The following CNOT11 variants were observed in gnomAD, a reference collection of about 807,000 sequenced individuals.
CNOT11 encodes the protein UPF0760 protein C2orf29.
CNOT11 carries 18 observed loss-of-function variants against 44.6 expected under a neutral mutation model. The ratio of observed to expected loss-of-function variants is 0.40; its 90% CI spans 0.28 to 0.60. The LOEUF is 0.60. CNOT11 is among the 20% of genes least tolerant of loss of function. CNOT11 has a pLI of 0.38. For missense variants in CNOT11, 513 were observed against 677.0 expected (o/e 0.76, Z 2.69); for synonymous variants, 291 against 270.9 (o/e 1.07, Z -0.73).
rs1381894159 is a variant in CNOT11, at chr2:101,269,406, C to T, written c.1526C>T (p.Ser509Leu). 4 of 1,613,696 alleles carry T rather than the reference C, an allele frequency of 2.5e-6. No individual in the cohort carries two copies. The highest frequency in any genetic ancestry group is 3.4e-6 in the Non-Finnish European group (4 of 1,179,684). Reference sequence around the variant, plus strand: ...GAAACACCTTCTGAGACCAAAATGTCAAAATAATACCTCATCAGAACCATC... The same window carrying T: ...GAAACACCTTCTGAGACCAAAATGTTAAAATAATACCTCATCAGAACCATC... ...TGETPSETKM[S>L]K Residue 509 changes from serine to leucine, a missense_variant, in exon 7 of 7, where the codon TCA (serine) becomes TTA (leucine). Coordinates refer to ENST00000289382, the MANE Select transcript of CNOT11 (RefSeq NM_017546.5). The surrounding 1 kb of genome is among the most constrained non-coding windows in gnomAD (Gnocchi z 4.8).
In CNOT11 at chr2:101,257,973, T is replaced by C; in HGVS notation, c.679+18T>C. 6.2e-7 allele frequency: 1 copy of C among 1,602,414 alleles called. No individual in the cohort carries two copies. The highest frequency in any genetic ancestry group is 1.1e-5 in the South Asian group (1 of 89,306). On this transcript the variant is annotated intron_variant, in intron 2 of 6. Coordinates refer to ENST00000289382, the MANE Select transcript of CNOT11 (RefSeq NM_017546.5). The stretch of plus-strand genomic sequence containing the variant: ...CTTGGCCGGTAAGGAGGAATCAGTG[T>C]TTTGGGCATTTCTGTGTGGTAATAT...
chr2:101,253,161 A>C lies in CNOT11; in HGVS notation c.197A>C (p.Lys66Thr). Residue 66 changes from lysine (K) to threonine (T), a missense_variant, in exon 1 of 7, where the codon AAG (lysine) becomes ACG (threonine). By Grantham distance (78) the Lys-to-Thr change is moderately conservative (BLOSUM62 -1). This residue lies in a region of CNOT11 where 259 missense variants were observed against 265.7 expected (regional missense o/e 0.97). Coordinates refer to ENST00000289382, the MANE Select transcript of CNOT11 (RefSeq NM_017546.5). The surrounding 1 kb of genome is among the most constrained non-coding windows in gnomAD (Gnocchi z 4.3). ...GPAGRMSLTP[K>T]ELSSLLSIIS... is the part of the protein sequence containing the mutation. ...GCGGGCAGGATGAGCTTGACCCCGA[A>C]GGAGCTCTCGAGCCTGCTGAGCATC... is the stretch of plus-strand genomic sequence containing the variant. 1.9e-6 allele frequency: 3 copies of C among 1,589,722 alleles called. No homozygotes were observed. Among genetic ancestry groups the C allele is most frequent in the Non-Finnish European group, 2.6e-6 (3 of 1,170,586 alleles).
At chr2:101,256,835 T>C (rs924053421) in intron 1 of CNOT11, among the ~76,000 whole-genome samples, 3 of 150,436 alleles carry the variant, frequency 2.0e-5, no homozygotes, top group African/African-American at 7.4e-5. Flanking sequence ...GATCTCGAGG[T>C]CAGGAGATCA....
In CNOT11 at chr2:101,262,525, T is replaced by A; in HGVS notation, c.680-14T>A. The A allele has an allele frequency of 6.2e-7, 1 of 1,612,998 alleles. No individual in the cohort carries two copies. Among genetic ancestry groups the A allele is most frequent in the South Asian group, 1.1e-5 (1 of 91,002 alleles). On this transcript the variant is annotated splice_polypyrimidine_tract_variant and intron_variant, in intron 2 of 6. Coordinates refer to ENST00000289382, the MANE Select transcript of CNOT11 (RefSeq NM_017546.5). Reference sequence around the variant, plus strand: ...TCATGATGTCCATAATTTTAAAATGTCTCCTATTTCCAGAACGCCAATCTG... The same window carrying A: ...TCATGATGTCCATAATTTTAAAATGACTCCTATTTCCAGAACGCCAATCTG...
At chr2:101,258,421 A>G (rs1185889964) in intron 2 of CNOT11, among the ~76,000 whole-genome samples, 2 of 151,674 alleles carry the variant, frequency 1.3e-5, no homozygotes, top group Non-Finnish European at 2.9e-5. Context: ...AAATAAATAA[A>G]TAAATAAATA....
At chr2:101,259,746 A>G (rs776161749) in intron 2 of CNOT11, among the ~76,000 whole-genome samples, 4 of 152,188 alleles carry the variant, frequency 2.6e-5, no homozygotes, top group Non-Finnish European at 5.9e-5. Context: ...TATTAACAAT[A>G]TAACAATGGG....
rs968086957 is a variant in CNOT11 at position 101,270,073 on chromosome 2, A to G, written c.*660A>G. The G allele has an allele frequency of 1.3e-4, 20 of 152,356 alleles. No homozygotes were observed. Among genetic ancestry groups the G allele is most frequent in the African/African-American group, 2.7e-4 (11 of 41,318 alleles). The allele number at this position is 152,356 out of a possible 1,614,324, so 9.4% of individuals were successfully genotyped here. On this transcript the variant is annotated 3_prime_UTR_variant, in exon 7 of 7. Transcript: ENST00000289382. ...CTATTACCAGGCTGTAATAGCTGGT[A>G]TAGTTTTTTTTTTTTCTCTTAAGAT...
In CNOT11 at chr2:101,253,375, C is replaced by T. The variant is rs751743074; in HGVS notation, c.411C>T (p.Thr137=). The T allele has an allele frequency of 1.9e-6, 3 of 1,594,098 alleles. No homozygotes were observed. Among genetic ancestry groups the T allele is most frequent in the Non-Finnish European group, 2.5e-6 (3 of 1,176,838 alleles). ...ALYLLWEMYR[T]EPLAANPFAA... is the part of the protein sequence containing the mutation. ...ACCTGCTCTGGGAGATGTACCGCAC[C>T]GAGCCGCTGGCCGCCAACCCCTTCG... Residue 137 remains threonine, a synonymous_variant, in exon 1 of 7, where the codon ACC becomes ACT. Coordinates refer to ENST00000289382, the MANE Select transcript of CNOT11 (RefSeq NM_017546.5). The surrounding 1 kb of genome is among the most constrained non-coding windows in gnomAD (Gnocchi z 4.3).
intron 5 of CNOT11, among the ~76,000 whole-genome samples, chr2:101,268,695 A>T (rs1346399871): frequency 1.3e-5 from 2 of 152,224 alleles, no homozygotes; most frequent in African/African-American, 2.4e-5. Context: ...TCTCATTAAA[A>T]CATTCCATGT....
chr2:101,258,910 G>A (rs1681792332), intron 2 of CNOT11, among the ~76,000 whole-genome samples: 1 of 152,144 alleles, frequency 6.6e-6, no homozygotes, highest in Non-Finnish European at 1.5e-5. Flanking sequence ...AAAGTGGGAG[G>A]ATCGTTTGAG....
At chr2:101,266,423 A>C (rs1287771665) in intron 4 of CNOT11, among the ~76,000 whole-genome samples, 1 of 152,164 alleles carries the variant, frequency 6.6e-6, no homozygotes, top group Non-Finnish European at 1.5e-5. Context: ...TTTGATGCCC[A>C]GGAATAGGAA....
chr2:101,256,864 C>T (rs1042740603), intron 1 of CNOT11, among the ~76,000 whole-genome samples: 3 of 151,740 alleles, frequency 2.0e-5, no homozygotes, highest in South Asian at 4.2e-4. Context: ...CTGGCTAACA[C>T]GGTGAAACCC....
In CNOT11 at chr2:101,253,469, C is replaced by T; in HGVS notation, c.505C>T (p.Pro169Ser). 2 of 1,485,502 alleles carry T rather than the reference C, an allele frequency of 1.3e-6. No homozygotes were observed. The highest frequency in any genetic ancestry group is 1.8e-6 in the Non-Finnish European group (2 of 1,127,966). 92.0% of individuals were successfully genotyped at this position (1,485,502 alleles called of 1,614,324 possible). Reference sequence around the variant, plus strand: ...CGGCGGCCAGGAACCCGACCGCCCTCCGCTCTCAGGTACCTCCTGAAGCCA... The same window carrying T: ...CGGCGGCCAGGAACCCGACCGCCCTTCGCTCTCAGGTACCTCCTGAAGCCA... ...ARGGQEPDRP[P>S]LSGFLPPITP... is the part of the protein sequence containing the mutation. The change falls in exon 1 of 7, where the codon CCG becomes TCG. Residue 169 changes from proline to serine, a missense_variant. Physicochemically the swap from Pro to Ser is moderately conservative, Grantham distance 74. Transcript: ENST00000289382. The surrounding 1 kb of genome is among the most constrained non-coding windows in gnomAD (Gnocchi z 4.3).
chr2:101,252,890 T>C lies in CNOT11; in HGVS notation c.-75T>C, dbSNP rs1681650757. On this transcript the variant is annotated 5_prime_UTR_variant, in exon 1 of 7. Coordinates refer to ENST00000289382, the MANE Select transcript of CNOT11 (RefSeq NM_017546.5). ...GCGACGCTGTCGTGTAACAGCGCGC[T>C]TTACGGCCGCGGGGACGGAGCGAGC... The C allele has an allele frequency of 7.5e-7, 1 of 1,341,410 alleles. No individual in the cohort carries two copies. Among genetic ancestry groups the C allele is most frequent in the Non-Finnish European group, 9.6e-7 (1 of 1,044,812 alleles). 83.1% of individuals were successfully genotyped at this position (1,341,410 alleles called of 1,614,324 possible). A position where few individuals can be genotyped will look rare whatever the true frequency, so the allele number is the denominator to read the frequency against.
intron 2 of CNOT11, 93 bp downstream of exon 2, chr2:101,258,048 C>A: frequency 1.6e-6 from 2 of 1,264,974 alleles, no homozygotes; most frequent in Non-Finnish European, 2.2e-6. Flanking sequence ...TTTGTAACTG[C>A]TAAAAGGTTA....
At chr2:101,257,641 GTA>G (rs1681763855) in intron 1 of CNOT11, 148 bp from the exon 2 acceptor site, 1 of 597,928 alleles carries the variant, frequency 1.7e-6, no homozygotes, top group Admixed American at 3.0e-5. Context: ...GTTTGTAAAT[GTA>G]TATATTTGGT....
In CNOT11 at chr2:101,269,108, G is replaced by A; in HGVS notation, c.1307G>A (p.Cys436Tyr). Residue 436 changes from cysteine (C) to tyrosine (Y), a missense_variant, in exon 6 of 7, where the codon TGT becomes TAT. Transcript: ENST00000289382. The surrounding 1 kb of genome is among the most constrained non-coding windows in gnomAD (Gnocchi z 4.8). ...TATATATCAAATTGCATCTCTACTTGTGAACAGATTAAGGATAAATATATG... is the reference window on the plus strand; with the variant it reads ...TATATATCAAATTGCATCTCTACTTATGAACAGATTAAGGATAAATATATG... ...HLYISNCIST[C>Y]EQIKDKYMQN... 1.2e-6 allele frequency: 2 copies of A among 1,608,518 alleles called. No individual in the cohort carries two copies. The highest frequency in any genetic ancestry group is 1.3e-5 in the African/African-American group (1 of 74,856).
chr2:101,253,157 C>G lies in CNOT11; in HGVS notation c.193C>G (p.Pro65Ala). The G allele has an allele frequency of 6.3e-7, 1 of 1,587,506 alleles. No individual in the cohort carries two copies. The highest frequency in any genetic ancestry group is 8.5e-7 in the Non-Finnish European group (1 of 1,169,608). Residue 65 changes from proline to alanine, a missense_variant, in exon 1 of 7, where the codon CCG becomes GCG. Physicochemically the swap from Pro to Ala is conservative, Grantham distance 27. Around this residue, in one of 4 missense-constraint regions of CNOT11, gnomAD observed 259 missense variants for 265.7 expected, o/e 0.97. Coordinates refer to ENST00000289382, the MANE Select transcript of CNOT11 (RefSeq NM_017546.5). This position sits in a 1 kb window ranked among gnomAD's most constrained non-coding sequence, Gnocchi z 4.3. ...CCCCGCGGGCAGGATGAGCTTGACC[C>G]CGAAGGAGCTCTCGAGCCTGCTGAG... The part of the protein sequence containing the change: ...GGPAGRMSLT[P>A]KELSSLLSII...
Position 101,253,244 on chromosome 2 carries a change from C to T in CNOT11, c.280C>T (p.His94Tyr). Residue 94 changes from histidine to tyrosine, a missense_variant, in exon 1 of 7, where the codon CAC becomes TAC. This residue lies in a region of CNOT11 where 259 missense variants were observed against 265.7 expected (regional missense o/e 0.97). Transcript: ENST00000289382. This position sits in a 1 kb window ranked among gnomAD's most constrained non-coding sequence, Gnocchi z 4.3. ...CGAGGGCCTGTCCACCGCCTTCCACCACTACTTCAGCAAGGCCGACCACTT... is the reference window on the plus strand; with the variant it reads ...CGAGGGCCTGTCCACCGCCTTCCACTACTACTTCAGCAAGGCCGACCACTT... ...TFEGLSTAFH[H>Y]YFSKADHFRL... 2 of 1,611,886 alleles carry T rather than the reference C, an allele frequency of 1.2e-6. No individual in the cohort carries two copies. Among genetic ancestry groups the T allele is most frequent in the South Asian group, 1.1e-5 (1 of 90,954 alleles).
Sources: gnomAD v4.1 joint callset for allele counts (sites outside exome capture counted in the v4.1 genomes callset) on GRCh38, gnomAD v4.1.1 for gene constraint, gnomAD v4.1.1 regional missense constraint, Gnocchi (gnomAD v3.1) non-coding constraint, MANE v1.5 for transcripts, NCBI Gene and HGNC (gene_info 2026-07-23, HGNC 2026-07-21) for gene names.